INVS: variants seen among roughly 807,000 people sequenced by gnomAD.
INVS encodes inversion of embryo turning homolog.
In INVS, 86 loss-of-function variants were observed where a neutral mutation model predicts 108.8. That is an observed-to-expected ratio of 0.79 (90% CI 0.66 to 0.95). The LOEUF is 0.95. INVS is among the 40% of genes least tolerant of loss of function. The probability of loss-of-function intolerance (pLI) is 0.00; values close to 1 mark genes in which losing one functional copy is unlikely to be tolerated. For synonymous variants in INVS, 455 were observed against 473.5 expected (o/e 0.96, Z 0.51); for missense variants, 1,169 against 1,297.4 (o/e 0.90, Z 1.52).
chr9:100,155,873 A>G (rs1299394448), intron 3 of INVS, among the ~76,000 whole-genome samples: 1 of 152,252 alleles, frequency 6.6e-6, no homozygotes, highest in Non-Finnish European at 1.5e-5. Flanking sequence ...AGAAGTATAC[A>G]AATATAAACT....
chr9:100,162,696 C>T (rs553816321), intron 3 of INVS, among the ~76,000 whole-genome samples: 4 of 152,120 alleles, frequency 2.6e-5, no homozygotes, highest in East Asian at 3.9e-4. Flanking sequence ...GTCACCTTGG[C>T]GGGCACCAGT....
intron 1 of INVS, among the ~76,000 whole-genome samples, chr9:100,103,628 G>A (rs996134019): frequency 2.9e-5 from 4 of 139,062 alleles, no homozygotes; most frequent in East Asian, 2.4e-4. Context: ...ACCCTGTCTC[G>A]AAAAGACAAG....
intron 3 of INVS, among the ~76,000 whole-genome samples, chr9:100,168,595 T>G (rs955676583): frequency 6.6e-6 from 1 of 152,082 alleles, no homozygotes; most frequent in South Asian, 2.1e-4. Flanking sequence ...GAGGTCTAAT[T>G]GGATTGAGAA....
chr9:100,186,989 A>G (rs1185346071), intron 3 of INVS, among the ~76,000 whole-genome samples: 2 of 152,000 alleles, frequency 1.3e-5, no homozygotes, highest in East Asian at 3.9e-4. Context: ...TTATGGTTTC[A>G]GGTCTTAGAT....
At position 100,273,084 on chromosome 9, in the gene INVS, T is replaced by A. The variant is rs781669059; in HGVS notation, c.1784+8T>A. The stretch of plus-strand genomic sequence containing the variant: ...AAAAGATGCTGCTGCCAAGTAAGTA[T>A]GAGCTACGCAGATTGCGTTTTCGCC... On this transcript the variant is annotated splice_region_variant and intron_variant, in intron 12 of 16. Coordinates refer to ENST00000262457, the MANE Select transcript of INVS (RefSeq NM_014425.5). The A allele has an allele frequency of 3.1e-6, 5 of 1,612,180 alleles. No individual in the cohort carries two copies. The highest frequency in any genetic ancestry group is 4.2e-6 in the Non-Finnish European group (5 of 1,178,564).
chr9:100,247,485 A>C (rs1295505891), intron 8 of INVS, among the ~76,000 whole-genome samples: 4 of 152,228 alleles, frequency 2.6e-5, no homozygotes, highest in African/African-American at 9.6e-5. Context: ...AGGAGAAATC[A>C]CATACCACCA....
intron 3 of INVS, among the ~76,000 whole-genome samples, chr9:100,179,148 T>C (rs1435342319): frequency 6.6e-6 from 1 of 152,024 alleles, no homozygotes; most frequent in Admixed American, 6.6e-5. Context: ...GCACTAACTA[T>C]GGAAAGGAAA....
Position 100,292,628 on chromosome 9 carries a change from C to G in INVS, c.2371C>G (p.Gln791Glu), listed in dbSNP as rs750287289. The G allele has an allele frequency of 1.9e-6, 3 of 1,614,196 alleles. No homozygotes were observed. Among genetic ancestry groups the G allele is most frequent in the South Asian group, 2.2e-5 (2 of 91,082 alleles). Residue 791 changes from glutamine to glutamate, a missense_variant, in exon 14 of 17, where the codon CAG becomes GAG. Coordinates refer to ENST00000262457, the MANE Select transcript of INVS (RefSeq NM_014425.5). The stretch of plus-strand genomic sequence containing the variant: ...AGAACCCAAGGCCAAATGTGCCCCC[C>G]AGAAAAGGCGCACTCAAGAGCTCAG... ...DTEPKAKCAP[Q>E]KRRTQELRGG... is the part of the protein sequence containing the mutation.
chr9:100,100,990 A>G (rs1328801198), intron 1 of INVS, among the ~76,000 whole-genome samples: 1 of 82,262 alleles, frequency 1.2e-5, no homozygotes. Context: ...TATAATATAT[A>G]TGTATATATA....
chr9:100,194,237 T>C (rs1830308937), intron 3 of INVS, among the ~76,000 whole-genome samples: 1 of 152,358 alleles, frequency 6.6e-6, no homozygotes, highest in Non-Finnish European at 1.5e-5. Flanking sequence ...ATGAGGATAC[T>C]TTGTATAGTC....
intron 1 of INVS, among the ~76,000 whole-genome samples, chr9:100,102,309 G>C (rs537214734): frequency 6.6e-6 from 1 of 152,214 alleles, no homozygotes; most frequent in Admixed American, 6.5e-5. Flanking sequence ...ATATTGGTCA[G>C]GCTGGTCTCT....
intron 8 of INVS, among the ~76,000 whole-genome samples, chr9:100,249,831 G>A (rs772780610): frequency 5.9e-5 from 9 of 151,500 alleles, no homozygotes; most frequent in Admixed American, 6.6e-5. Context: ...TAGGCCGAGC[G>A]TGGTAGCTCA....
At chr9:100,251,758 A>G (rs971111430) in intron 8 of INVS, among the ~76,000 whole-genome samples, 8 of 152,160 alleles carry the variant, frequency 5.3e-5, no homozygotes, top group African/African-American at 1.9e-4. Context: ...AATGCACTCA[A>G]TGCAGCAAGA....
intron 3 of INVS, among the ~76,000 whole-genome samples, chr9:100,164,722 C>T (rs1054755165): frequency 2.6e-5 from 4 of 151,946 alleles, no homozygotes; most frequent in African/African-American, 2.4e-5. Flanking sequence ...CATAAAATGG[C>T]CAATTGATGT....
chr9:100,294,639 A>C (rs1248530515), intron 14 of INVS, among the ~76,000 whole-genome samples: 1 of 152,162 alleles, frequency 6.6e-6, no homozygotes, highest in Non-Finnish European at 1.5e-5. Flanking sequence ...CTCAAATCCA[A>C]GGGCCTTTCC....
chr9:100,099,842 G>T (rs1016110400), intron 1 of INVS, among the ~76,000 whole-genome samples: 2 of 152,174 alleles, frequency 1.3e-5, no homozygotes, highest in Non-Finnish European at 2.9e-5. Context: ...GTGAGGTCCA[G>T]GAGCCCACGC....
chr9:100,148,124 T>A (rs1419994598), intron 3 of INVS, among the ~76,000 whole-genome samples: 1 of 151,766 alleles, frequency 6.6e-6, no homozygotes, highest in East Asian at 1.9e-4. Context: ...TAGTGAGCTA[T>A]GATTGTGCCA....
At chr9:100,264,703 T>G in intron 10 of INVS, 119 bp from the exon 11 acceptor site, 1 of 737,414 alleles carries the variant, frequency 1.4e-6, no homozygotes, top group Non-Finnish European at 2.4e-6. Context: ...ATATTTTCCC[T>G]TTTTGTAAAT....
intron 2 of INVS, among the ~76,000 whole-genome samples, chr9:100,111,520 T>C (rs1163276597): frequency 6.6e-6 from 1 of 152,210 alleles, no homozygotes; most frequent in Non-Finnish European, 1.5e-5. Context: ...CAATTGGTCA[T>C]GGATTAGAGG....
Sources: gnomAD v4.1 joint callset for allele counts (sites outside exome capture counted in the v4.1 genomes callset) on GRCh38, gnomAD v4.1.1 for gene constraint, MANE v1.5 for transcripts, NCBI Gene and HGNC (gene_info 2026-07-23, HGNC 2026-07-21) for gene names.